Variants in C12orf42 observed in about 807,000 individuals in gnomAD.
C12orf42 encodes the protein chromosome 12 open reading frame 42.
A neutral mutation model predicts 21.6 loss-of-function variants in C12orf42; 25 were observed. The observed-to-expected ratio is 1.16, with a 90% confidence interval of 0.84 to 1.62. The LOEUF (loss-of-function observed/expected upper bound fraction) is 1.62, where lower values mean the gene tolerates loss of function less well. Among genes scored for constraint, C12orf42 ranks in the 40% most tolerant of loss-of-function variants. C12orf42 has a pLI of 0.00. For synonymous variants in C12orf42, 174 were observed against 175.0 expected (o/e 0.99, Z 0.05); for missense variants, 483 against 459.3 (o/e 1.05, Z -0.47).
At chr12:103,324,904 A>G (rs933089420) in intron 4 of C12orf42, among the ~76,000 whole-genome samples, 9 of 152,228 alleles carry the variant, frequency 5.9e-5, no homozygotes, top group Non-Finnish European at 1.2e-4. Flanking sequence ...GTGTTGAACT[A>G]TTTCAAAATG....
At chr12:103,317,122 CT>C (rs1413299677) in intron 4 of C12orf42, among the ~76,000 whole-genome samples, 1 of 152,188 alleles carries the variant, frequency 6.6e-6, no homozygotes, top group Non-Finnish European at 1.5e-5. Context: ...AGTTCTAGGG[CT>C]GTGTCTTGTT....
intron 4 of C12orf42, among the ~76,000 whole-genome samples, chr12:103,313,597 C>T (rs2136684670): frequency 6.6e-6 from 1 of 152,298 alleles, no homozygotes; most frequent in Admixed American, 6.5e-5. Context: ...TAATATCTAT[C>T]ACACAGGATT....
chr12:103,521,751 G>C, the C12orf42 span, among the ~76,000 whole-genome samples: 1 of 152,254 alleles, frequency 6.6e-6, no homozygotes, highest in East Asian at 1.9e-4. Context: ...TTCTACTTTA[G>C]TCAATGAAAT....
intron 2 of C12orf42, among the ~76,000 whole-genome samples, chr12:103,431,454 G>C (rs1950258680): frequency 6.6e-6 from 1 of 152,140 alleles, no homozygotes; most frequent in South Asian, 2.1e-4. Context: ...ATTGCAGTCA[G>C]ACCATGACTC....
the C12orf42 span, among the ~76,000 whole-genome samples, chr12:103,174,226 G>T: frequency 4.8e-3 from 734 of 152,240 alleles, 5 homozygotes; most frequent in African/African-American, 0.017. Context: ...GAAATTAAAT[G>T]CTCTGCCAAA....
chr12:103,539,169 A>G, the C12orf42 span, among the ~76,000 whole-genome samples: 1 of 152,220 alleles, frequency 6.6e-6, no homozygotes, highest in Non-Finnish European at 1.5e-5. Context: ...ACCATGATGT[A>G]ATAAACATAA....
chr12:103,390,846 A>C (rs752493721), intron 3 of C12orf42, among the ~76,000 whole-genome samples: 1 of 152,190 alleles, frequency 6.6e-6, no homozygotes, highest in Non-Finnish European at 1.5e-5. Flanking sequence ...CATACAATAA[A>C]CAATTTAGAT....
chr12:103,142,004 A>T, the C12orf42 span, among the ~76,000 whole-genome samples: 10 of 152,216 alleles, frequency 6.6e-5, no homozygotes, highest in Non-Finnish European at 1.0e-4. Flanking sequence ...AACACAAATT[A>T]AAAAAACATA....
At chr12:103,074,377 G>C in the C12orf42 span, among the ~76,000 whole-genome samples, 1 of 152,168 alleles carries the variant, frequency 6.6e-6, no homozygotes, top group Non-Finnish European at 1.5e-5. Flanking sequence ...CCATGGAGTA[G>C]AGTAGATAGC....
At chr12:103,097,447 G>A in the C12orf42 span, among the ~76,000 whole-genome samples, 335 of 152,284 alleles carry the variant, frequency 2.2e-3, 1 homozygote, top group Middle Eastern at 3.4e-3. Flanking sequence ...ACAGAAATAC[G>A]AGTCTCATTT....
intron 10 of C12orf42, among the ~76,000 whole-genome samples, chr12:103,243,775 C>T (rs1282098659): frequency 6.6e-6 from 1 of 151,998 alleles, no homozygotes; most frequent in Non-Finnish European, 1.5e-5. Context: ...AAAGTCAGGT[C>T]ACTTGTGTTT....
At chr12:103,352,409 T>C (rs942433638) in intron 4 of C12orf42, among the ~76,000 whole-genome samples, 2 of 152,266 alleles carry the variant, frequency 1.3e-5, no homozygotes, top group Admixed American at 1.3e-4. Flanking sequence ...TATCAAAGTA[T>C]CCATATATCT....
At chr12:103,126,264 A>G in the C12orf42 span, among the ~76,000 whole-genome samples, 1 of 152,338 alleles carries the variant, frequency 6.6e-6, no homozygotes, top group African/African-American at 2.4e-5. Context: ...TATTGAAAGC[A>G]GAAAACAAAT....
At chr12:103,448,374 T>C (rs766137986) in intron 2 of C12orf42, among the ~76,000 whole-genome samples, 1 of 152,070 alleles carries the variant, frequency 6.6e-6, no homozygotes, top group Non-Finnish European at 1.5e-5. Context: ...CTTCTAGACA[T>C]TGGCTTAGAC....
intron 3 of C12orf42, among the ~76,000 whole-genome samples, chr12:103,371,404 A>T (rs748862288): frequency 6.6e-6 from 1 of 152,154 alleles, no homozygotes; most frequent in Non-Finnish European, 1.5e-5. Context: ...GACCCAATCC[A>T]GTTGTACCAG....
At chr12:103,095,802 G>A in the C12orf42 span, among the ~76,000 whole-genome samples, 3 of 152,168 alleles carry the variant, frequency 2.0e-5, no homozygotes, top group Non-Finnish European at 4.4e-5. Flanking sequence ...TATTAGAGTT[G>A]AACGGGAGGA....
At chr12:103,313,776 T>A (rs2039192321) in intron 4 of C12orf42, among the ~76,000 whole-genome samples, 1 of 152,160 alleles carries the variant, frequency 6.6e-6, no homozygotes, top group African/African-American at 2.4e-5. Context: ...AAGTAGAAAA[T>A]TATATCGTTT....
intron 4 of C12orf42, among the ~76,000 whole-genome samples, chr12:103,322,943 T>C (rs949991747): frequency 2.0e-5 from 3 of 152,200 alleles, no homozygotes; most frequent in Admixed American, 6.5e-5. Context: ...AATGCATGAT[T>C]GCATATTTCC....
chr12:103,090,846 T>C, the C12orf42 span, among the ~76,000 whole-genome samples: 2 of 152,192 alleles, frequency 1.3e-5, no homozygotes. Context: ...TTTAGAAGAC[T>C]TATTTTATTA....
Sources: allele counts gnomAD v4.1 joint callset (sites outside exome capture counted in the v4.1 genomes callset), GRCh38; gene constraint gnomAD v4.1.1; transcripts MANE v1.5; gene names NCBI Gene and HGNC (gene_info 2026-07-23, HGNC 2026-07-21).